RHOBTB1: variants seen among roughly 807,000 people sequenced by gnomAD.
RHOBTB1 encodes the protein Rho related BTB domain containing 1, also known as rho-related BTB domain-containing protein 1.
In RHOBTB1, 40 loss-of-function variants were observed where a neutral mutation model predicts 71.6. That is an observed-to-expected ratio of 0.56 (90% CI 0.43 to 0.73). The LOEUF (loss-of-function observed/expected upper bound fraction) is 0.73, where lower values mean the gene tolerates loss of function less well. RHOBTB1 is among the 30% of genes least tolerant of loss of function. The probability of loss-of-function intolerance (pLI) is 0.00; values close to 1 mark genes in which losing one functional copy is unlikely to be tolerated. For missense variants in RHOBTB1, 797 were observed against 894.0 expected (o/e 0.89, Z 1.38); for synonymous variants, 319 against 334.9 (o/e 0.95, Z 0.52).
At position 60,886,300 on chromosome 10, in the gene RHOBTB1, C is replaced by T. The variant is rs553243066; in HGVS notation, c.1457-70G>A. On this transcript the variant is annotated intron_variant, in intron 6 of 10. Transcript: ENST00000337910. Reference sequence around the variant, plus strand: ...AGAGCTTCAACCAAGGCTTCTGCTCCCATAGCCACCAAACTGCGACTCCCT... The same window carrying T: ...AGAGCTTCAACCAAGGCTTCTGCTCTCATAGCCACCAAACTGCGACTCCCT... 2.1e-5 allele frequency: 22 copies of T among 1,055,402 alleles called. No homozygotes were observed. The African/African-American group carries it at 2.4e-4, about 11-fold the overall frequency. 65.4% of individuals were successfully genotyped at this position (1,055,402 alleles called of 1,614,324 possible). A position where few individuals can be genotyped will look rare whatever the true frequency, so the allele number is the denominator to read the frequency against.
intron 2 of RHOBTB1, among the ~76,000 whole-genome samples, chr10:60,926,793 G>A (rs940850455): frequency 1.3e-5 from 2 of 152,180 alleles, no homozygotes; most frequent in African/African-American, 4.8e-5. Flanking sequence ...AGGAAAAAGT[G>A]AAAGCCTTTT....
intron 2 of RHOBTB1, among the ~76,000 whole-genome samples, chr10:60,961,658 C>T (rs1169139756): frequency 6.6e-6 from 1 of 152,094 alleles, no homozygotes; most frequent in Non-Finnish European, 1.5e-5. Context: ...GGGACTTAAC[C>T]ATACCCACCT....
chr10:60,864,027 C>A, the RHOBTB1 span, among the ~76,000 whole-genome samples: 6 of 152,150 alleles, frequency 3.9e-5, no homozygotes, highest in Non-Finnish European at 8.8e-5. Context: ...ACTTAGCCTT[C>A]GACCACTCGT....
At chr10:60,922,849 T>A (rs576053514) in intron 2 of RHOBTB1, among the ~76,000 whole-genome samples, 2 of 152,340 alleles carry the variant, frequency 1.3e-5, no homozygotes, top group Non-Finnish European at 2.9e-5. Flanking sequence ...TTTGACCCTA[T>A]GATAGAACTG....
At chr10:60,879,811 C>T (rs536830773) in intron 7 of RHOBTB1, among the ~76,000 whole-genome samples, 4 of 152,272 alleles carry the variant, frequency 2.6e-5, no homozygotes, top group African/African-American at 9.6e-5. Flanking sequence ...CAAACACACA[C>T]ACACACTCAG....
At chr10:60,945,501 A>T (rs1194654443), upstream of RHOBTB1, among the ~76,000 whole-genome samples, 1 of 152,088 alleles carries the variant, frequency 6.6e-6, no homozygotes, top group East Asian at 1.9e-4. Flanking sequence ...AAGCAAACAC[A>T]CTTCTTGGTC....
At chr10:60,866,344 GA>G (rs2080635361), downstream of RHOBTB1, among the ~76,000 whole-genome samples, 1 of 152,230 alleles carries the variant, frequency 6.6e-6, no homozygotes, top group Admixed American at 6.5e-5. Context: ...TGTGGAGTCA[GA>G]AAAGTAGATA....
Position 60,888,218 on chromosome 10 carries a change from A to T in RHOBTB1, c.1450T>A (p.Phe484Ile). The T allele has an allele frequency of 6.2e-7, 1 of 1,613,042 alleles. No homozygotes were observed. Among genetic ancestry groups the T allele is most frequent in the Non-Finnish European group, 8.5e-7 (1 of 1,179,298 alleles). ...RIKECLSKGT[F>I]SDVTFKLDDG... ...TGCCCCGCGGCCCACTCACCCGAGA[A>T]CGTTCCCTTGCTGAGACACTCTTTT... Residue 484 changes from phenylalanine to isoleucine, a missense_variant, in exon 6 of 11, where the codon TTC (phenylalanine) becomes ATC (isoleucine). Phe to Ile is a conservative substitution (Grantham distance 21). Around this residue, in one of 2 missense-constraint regions of RHOBTB1, gnomAD observed 658 missense variants for 681.5 expected, o/e 0.97. Transcript: ENST00000337910.
chr10:60,900,871 AT>A (rs2133080661), intron 4 of RHOBTB1, among the ~76,000 whole-genome samples: 1 of 152,332 alleles, frequency 6.6e-6, no homozygotes, highest in East Asian at 1.9e-4. Flanking sequence ...TAATCTCTAT[AT>A]ATTTTAATTA....
intron 8 of RHOBTB1, among the ~76,000 whole-genome samples, chr10:60,876,770 G>C (rs1340557754): frequency 6.6e-6 from 1 of 152,196 alleles, no homozygotes; most frequent in Non-Finnish European, 1.5e-5. Flanking sequence ...TAACTGGGGA[G>C]GAAGTAGGAC....
chr10:60,889,574 T>C (rs562764544), intron 5 of RHOBTB1, among the ~76,000 whole-genome samples: 1 of 152,346 alleles, frequency 6.6e-6, no homozygotes, highest in South Asian at 2.1e-4. Flanking sequence ...AGGTTAATTC[T>C]GATAGCTTTT....
intron 4 of RHOBTB1, among the ~76,000 whole-genome samples, chr10:60,893,965 C>T (rs1240686932): frequency 2.6e-5 from 4 of 152,130 alleles, no homozygotes; most frequent in East Asian, 3.8e-4. Flanking sequence ...AGAAAAGTTA[C>T]GCCCAAGGAT....
chr10:60,871,542 T>C lies in RHOBTB1; in HGVS notation c.2031A>G (p.Leu677=). ...KREREKEDIA[L]NKHRSRRKWC... The stretch of plus-strand genomic sequence containing the variant: ...ACTTTCGTCTTGAGCGATGCTTATT[T>C]AGTGCAATATCTTCCTTCTCTCGTT... The change falls in exon 11 of 11, where the codon CTA becomes CTG. Residue 677 remains leucine, a synonymous_variant. Transcript: ENST00000337910. 1 of 1,614,164 alleles carries C rather than the reference T, an allele frequency of 6.2e-7. No individual in the cohort carries two copies. The highest frequency in any genetic ancestry group is 2.2e-5 in the East Asian group (1 of 44,880).
intron 1 of RHOBTB1, among the ~76,000 whole-genome samples, chr10:60,943,253 A>C (rs979144040): frequency 3.9e-5 from 6 of 152,228 alleles, no homozygotes; most frequent in African/African-American, 1.4e-4. Flanking sequence ...GATGTTTGAT[A>C]CTGCTGGGGA....
chr10:60,876,890 A>G (rs983259729), intron 8 of RHOBTB1, among the ~76,000 whole-genome samples: 29 of 152,236 alleles, frequency 1.9e-4, no homozygotes, highest in Admixed American at 1.8e-3. Context: ...AAGTGCAGAT[A>G]GGACTGGTTG....
In RHOBTB1 at chr10:60,870,034, A is replaced by C. The variant is rs867631078; in HGVS notation, c.*1448T>G. 3.3e-5 allele frequency: 5 copies of C among 152,724 alleles called. No homozygotes were observed. The highest frequency in any genetic ancestry group is 9.6e-5 in the African/African-American group (4 of 41,564). The allele number at this position is 152,724 out of a possible 1,614,324, so 9.5% of individuals were successfully genotyped here. A position where few individuals can be genotyped will look rare whatever the true frequency, so the allele number is the denominator to read the frequency against. ...AAATAAAAATAAAAACAAAATCAAC[A>C]GTCCTTGGCATTGGTAATTTGACCT... On this transcript the variant is annotated 3_prime_UTR_variant, in exon 11 of 11. Coordinates refer to ENST00000337910, the MANE Select transcript of RHOBTB1 (RefSeq NM_014836.5).
intron 2 of RHOBTB1, among the ~76,000 whole-genome samples, chr10:60,919,891 C>G (rs1201546981): frequency 6.6e-6 from 1 of 152,094 alleles, no homozygotes; most frequent in Non-Finnish European, 1.5e-5. Context: ...ATGTGCTGTT[C>G]TTAATAAACA....
chr10:60,928,924 G>A (rs1051158316), intron 2 of RHOBTB1, among the ~76,000 whole-genome samples: 3 of 152,250 alleles, frequency 2.0e-5, no homozygotes, highest in African/African-American at 4.8e-5. Context: ...AGTTCTACAG[G>A]CAGTACAGGA....
At chr10:60,922,339 C>A (rs1228954793) in intron 2 of RHOBTB1, among the ~76,000 whole-genome samples, 1 of 152,204 alleles carries the variant, frequency 6.6e-6, no homozygotes, top group Admixed American at 6.5e-5. Flanking sequence ...CACTTCAAGG[C>A]AAGATGGCAA....
Sources: gnomAD v4.1 joint callset for allele counts (sites outside exome capture counted in the v4.1 genomes callset) on GRCh38, gnomAD v4.1.1 for gene constraint, gnomAD v4.1.1 regional missense constraint, MANE v1.5 for transcripts, NCBI Gene and HGNC (gene_info 2026-07-23, HGNC 2026-07-21) for gene names.